LAMA3: variants seen among roughly 807,000 people sequenced by gnomAD.
LAMA3 encodes laminin subunit alpha 3.
A neutral mutation model predicts 402.0 loss-of-function variants in LAMA3; 281 were observed. That is an observed-to-expected ratio of 0.70 (90% CI 0.63 to 0.77). LAMA3 has a LOEUF of 0.77. Among genes scored for constraint, LAMA3 ranks in the 30% least tolerant of loss-of-function variants. The pLI is 0.00. For missense variants in LAMA3, 3,840 were observed against 4,215.5 expected (o/e 0.91, Z 2.47); for synonymous variants, 1,431 against 1,558.4 (o/e 0.92, Z 1.93).
At chr18:23,945,092 C>T (rs1568375953) in intron 69 of LAMA3, among the ~76,000 whole-genome samples, 1 of 152,156 alleles carries the variant, frequency 6.6e-6, no homozygotes, top group African/African-American at 2.4e-5. Context: ...GAGATCACAC[C>T]ACTGCACTCC....
intron 2 of LAMA3, among the ~76,000 whole-genome samples, chr18:23,741,937 C>G (rs758764530): frequency 6.6e-6 from 1 of 151,962 alleles, no homozygotes; most frequent in South Asian, 2.1e-4. Flanking sequence ...GCCTGACCAA[C>G]GTGGAGAAAA....
chr18:23,709,794 T>C (rs1411692556), intron 1 of LAMA3: 1 of 622,858 alleles, frequency 1.6e-6, no homozygotes, highest in African/African-American at 1.9e-5. Flanking sequence ...TCTTTTTTTC[T>C]GGTGAATTAG....
At position 23,899,293 on chromosome 18, in the gene LAMA3, T is replaced by G. The variant is rs757495390; in HGVS notation, c.5842T>G (p.Leu1948Val). ...GACCACTTGATGTTTCCTAGTTCTT[T>G]TAAAGCAGATCTCTGGGACAGATGG... ...KNVIRNVHILLKQISGTDGEG... is the reference protein window; with the variant it reads ...KNVIRNVHILVKQISGTDGEG... Residue 1948 changes from leucine to valine, a missense_variant, in exon 47 of 75, where the codon TTA becomes GTA. Leu to Val is a conservative substitution (Grantham distance 32). Transcript: ENST00000313654. 3 of 1,613,998 alleles carry G rather than the reference T, an allele frequency of 1.9e-6. No individual in the cohort carries two copies. The highest frequency in any genetic ancestry group is 2.5e-6 in the Non-Finnish European group (3 of 1,179,952).
At chr18:23,804,308 A>C (rs145931985) in intron 12 of LAMA3, among the ~76,000 whole-genome samples, 2 of 152,216 alleles carry the variant, frequency 1.3e-5, no homozygotes, top group Non-Finnish European at 2.9e-5. Flanking sequence ...CTGCTCAGTC[A>C]TATGCTTTAA....
intron 8 of LAMA3, among the ~76,000 whole-genome samples, chr18:23,771,656 A>C (rs1460884973): frequency 6.6e-6 from 1 of 152,238 alleles, no homozygotes; most frequent in Non-Finnish European, 1.5e-5. Context: ...AGTGACTGAT[A>C]GCTGCAATTT....
intron 37 of LAMA3, among the ~76,000 whole-genome samples, chr18:23,870,424 T>C (rs2064484469): frequency 6.6e-6 from 1 of 152,164 alleles, no homozygotes; most frequent in African/African-American, 2.4e-5. Context: ...GGAAACACTG[T>C]GGAAATATCT....
chr18:23,750,763 T>G (rs2061735815), intron 4 of LAMA3, among the ~76,000 whole-genome samples, 155 bp from the exon 5 acceptor site: 1 of 152,050 alleles, frequency 6.6e-6, no homozygotes. Context: ...AGCAATGATG[T>G]TTTTAGACAT....
At chr18:23,857,746 T>A in intron 32 of LAMA3, 98 bp from the exon 33 acceptor site, 3 of 1,481,106 alleles carry the variant, frequency 2.0e-6, no homozygotes, top group Non-Finnish European at 1.9e-6. Flanking sequence ...TCTATTTAAC[T>A]GGCTTTGCAC....
intron 1 of LAMA3, among the ~76,000 whole-genome samples, chr18:23,696,668 T>G (rs1269611245): frequency 6.6e-6 from 1 of 152,160 alleles, no homozygotes; most frequent in African/African-American, 2.4e-5. Context: ...GCCCGGCTAA[T>G]TTTTGTATTT....
chr18:23,747,146 T>C (rs2061665655), intron 2 of LAMA3, among the ~76,000 whole-genome samples: 1 of 152,050 alleles, frequency 6.6e-6, no homozygotes, highest in African/African-American at 2.4e-5. Context: ...AACATAGATT[T>C]GCTTAACACC....
chr18:23,713,405 C>A (rs188328076), intron 1 of LAMA3, among the ~76,000 whole-genome samples: 111 of 152,328 alleles, frequency 7.3e-4, no homozygotes, highest in African/African-American at 2.5e-3. Context: ...GAATATCTAC[C>A]GCCATTGGCC....
intron 64 of LAMA3, 27 bp downstream of exon 64, chr18:23,928,792 C>G (rs1490422920): frequency 6.2e-7 from 1 of 1,600,752 alleles, no homozygotes; most frequent in South Asian, 1.1e-5. Flanking sequence ...TAATATCAAA[C>G]AAGATTTAAA....
At chr18:23,854,248 A>G (rs1038248113) in intron 32 of LAMA3, among the ~76,000 whole-genome samples, 2 of 152,266 alleles carry the variant, frequency 1.3e-5, no homozygotes, top group African/African-American at 4.8e-5. Flanking sequence ...CACACAGGCC[A>G]GTCATGATTT....
intron 50 of LAMA3, 115 bp from the exon 51 acceptor site, chr18:23,904,438 T>C (rs1365457145): frequency 1.6e-6 from 2 of 1,240,226 alleles, no homozygotes; most frequent in Non-Finnish European, 2.2e-6. Flanking sequence ...TTTTTCCATT[T>C]CTTAAAAAAA....
intron 27 of LAMA3, 87 bp from the exon 28 acceptor site, chr18:23,842,308 A>G (rs763797077): frequency 9.7e-6 from 15 of 1,546,960 alleles, no homozygotes; most frequent in Middle Eastern, 4.2e-4. Context: ...TTGTTTTTTA[A>G]CCTTTGAATA....
intron 62 of LAMA3, among the ~76,000 whole-genome samples, chr18:23,925,261 T>C (rs141126800): frequency 0.017 from 2,601 of 152,344 alleles, 50 homozygotes; most frequent in Non-Finnish European, 0.023. Flanking sequence ...GTTTTGTTTC[T>C]TCCCCCTCTC....
chr18:23,848,632 G>A (rs1347019813), intron 32 of LAMA3, among the ~76,000 whole-genome samples: 1 of 152,210 alleles, frequency 6.6e-6, no homozygotes, highest in African/African-American at 2.4e-5. Flanking sequence ...TAATTTGGGT[G>A]TGAGAGCCAA....
At chr18:23,772,081 A>T (rs1238556502) in intron 8 of LAMA3, among the ~76,000 whole-genome samples, 1 of 145,644 alleles carries the variant, frequency 6.9e-6, no homozygotes, top group Non-Finnish European at 1.5e-5. Flanking sequence ...TTGCTCTGTC[A>T]CCCTGGCTGG....
chr18:23,767,148 G>C (rs1405170273), intron 8 of LAMA3, among the ~76,000 whole-genome samples: 1 of 151,960 alleles, frequency 6.6e-6, no homozygotes, highest in Non-Finnish European at 1.5e-5. Flanking sequence ...CCAAATCTAG[G>C]AATACATCTA....
Sources: gnomAD v4.1 joint callset for allele counts (sites outside exome capture counted in the v4.1 genomes callset) on GRCh38, gnomAD v4.1.1 for gene constraint, MANE v1.5 for transcripts, NCBI Gene and HGNC (gene_info 2026-07-23, HGNC 2026-07-21) for gene names.